CCSER1: variants seen among roughly 807,000 people sequenced by gnomAD.
CCSER1 encodes the protein serine-rich coiled-coil domain-containing protein 1.
Under a neutral mutation model 82.0 loss-of-function variants are expected in CCSER1, and 41 were observed. That is an observed-to-expected ratio of 0.50 (90% CI 0.39 to 0.65). The LOEUF is 0.65. Ranked by LOEUF, CCSER1 falls within the 30% of genes least tolerant of loss-of-function variation. The pLI is 0.00. For missense variants in CCSER1, 1,119 were observed against 1,064.2 expected (o/e 1.05, Z -0.72); for synonymous variants, 414 against 383.9 (o/e 1.08, Z -0.92).
intron 10 of CCSER1, among the ~76,000 whole-genome samples, chr4:91,155,708 T>C (rs1730746501): frequency 6.6e-6 from 1 of 151,976 alleles, no homozygotes; most frequent in African/African-American, 2.4e-5. Flanking sequence ...TCTCCCTTTA[T>C]TCTATTAATC....
intron 10 of CCSER1, among the ~76,000 whole-genome samples, chr4:91,209,805 C>T (rs1180253868): frequency 6.6e-6 from 1 of 151,478 alleles, no homozygotes; most frequent in African/African-American, 2.4e-5. Context: ...CCAATTCAGT[C>T]TAGGGAGGAT....
chr4:90,262,755 T>C (rs1199153119), intron 1 of CCSER1, among the ~76,000 whole-genome samples: 1 of 152,134 alleles, frequency 6.6e-6, no homozygotes, highest in East Asian at 1.9e-4. Flanking sequence ...GTAGGAAATC[T>C]GTCTACCTCC....
chr4:91,390,543 C>T (rs1751583348), intron 10 of CCSER1, among the ~76,000 whole-genome samples: 1 of 151,368 alleles, frequency 6.6e-6, no homozygotes, highest in African/African-American at 2.4e-5. Flanking sequence ...GGGTAAAATG[C>T]TGATCTCATG....
intron 10 of CCSER1, among the ~76,000 whole-genome samples, chr4:91,505,614 A>G (rs533901198): frequency 1.2e-3 from 184 of 152,232 alleles, no homozygotes; most frequent in Non-Finnish European, 1.6e-3. Flanking sequence ...TTGTTGTTTC[A>G]TAACTTTTTA....
Position 90,623,070 on chromosome 4 carries a change from C to G in CCSER1, c.1725-4955C>G, listed in dbSNP as rs1173400436. ...TGAGACGGAGCCTCCCTCTTTCGCC[C>G]AGGCCAGAGTGCAGTGGCGCAATCT... On this transcript the variant is annotated intron_variant, in intron 5 of 10. Coordinates refer to ENST00000509176, the MANE Select transcript of CCSER1 (RefSeq NM_001145065.2). Among the ~76,000 whole-genome samples, 4 of 150,100 alleles carry G rather than the reference C, an allele frequency of 2.7e-5. 1 individual carries two copies. The highest frequency in any genetic ancestry group is 1.5e-5 in the Non-Finnish European group (1 of 67,662).
chr4:90,690,241 G>T (rs1462171518), intron 6 of CCSER1, among the ~76,000 whole-genome samples: 4 of 152,054 alleles, frequency 2.6e-5, no homozygotes, highest in Non-Finnish European at 5.9e-5. Flanking sequence ...CAGAAAGGGG[G>T]TTGGATAACT....
chr4:91,598,656 A>G lies in CCSER1; in HGVS notation c.2302A>G (p.Arg768Gly). The change falls in exon 11 of 11, where the codon AGG (arginine) becomes GGG (glycine). Residue 768 changes from arginine (R) to glycine (G), a missense_variant. Physicochemically the swap from Arg to Gly is moderately radical, Grantham distance 125 (BLOSUM62 -2). Coordinates refer to ENST00000509176, the MANE Select transcript of CCSER1 (RefSeq NM_001145065.2). ...AIHTPTEDRF[R>G]YSAADQTSPY... The stretch of plus-strand genomic sequence containing the variant: ...ACATACTCCCACCGAGGACCGTTTT[A>G]GGTATTCGGCAGCGGACCAGACAAG... 1.9e-6 allele frequency: 3 copies of G among 1,551,604 alleles called. No homozygotes were observed. Among genetic ancestry groups the G allele is most frequent in the Non-Finnish European group, 2.6e-6 (3 of 1,146,934 alleles).
At chr4:91,527,388 A>C (rs968868035) in intron 10 of CCSER1, among the ~76,000 whole-genome samples, 3 of 152,224 alleles carry the variant, frequency 2.0e-5, no homozygotes, top group Admixed American at 2.0e-4. Flanking sequence ...GTCACTGAGC[A>C]TGACCAATAT....
intron 6 of CCSER1, among the ~76,000 whole-genome samples, chr4:90,650,991 C>T (rs1463311209): frequency 6.6e-6 from 1 of 152,076 alleles, no homozygotes; most frequent in Non-Finnish European, 1.5e-5. Context: ...ATACTAAGTG[C>T]CTTTGGGGAA....
At chr4:91,545,001 G>A (rs528011107) in intron 10 of CCSER1, among the ~76,000 whole-genome samples, 3 of 152,028 alleles carry the variant, frequency 2.0e-5, no homozygotes, top group Non-Finnish European at 4.4e-5. Context: ...TCAAGCCTCA[G>A]CAATGGTGGA....
At chr4:90,634,387 A>G (rs1725047293) in intron 6 of CCSER1, among the ~76,000 whole-genome samples, 2 of 151,708 alleles carry the variant, frequency 1.3e-5, no homozygotes, top group Admixed American at 1.3e-4. Context: ...ATTTCATTTT[A>G]CCTAAAAGGA....
chr4:91,390,800 G>A (rs1751600149), intron 10 of CCSER1, among the ~76,000 whole-genome samples: 1 of 151,890 alleles, frequency 6.6e-6, no homozygotes, highest in African/African-American at 2.4e-5. Flanking sequence ...TTTCTTGAGT[G>A]AGTTTTGGCG....
intron 3 of CCSER1, among the ~76,000 whole-genome samples, chr4:90,366,594 A>T (rs1010359469): frequency 6.6e-6 from 1 of 151,808 alleles, no homozygotes; most frequent in Non-Finnish European, 1.5e-5. Context: ...AGGGAAAAAA[A>T]ATCCCACATT....
intron 9 of CCSER1, among the ~76,000 whole-genome samples, chr4:91,063,039 G>GA (rs1342684398): frequency 2.6e-5 from 4 of 151,998 alleles, no homozygotes; most frequent in African/African-American, 9.7e-5. Context: ...TTCATATTAT[G>GA]AAAAATACAC....
intron 9 of CCSER1, among the ~76,000 whole-genome samples, chr4:90,970,975 C>A (rs2150398423): frequency 6.6e-6 from 1 of 151,664 alleles, no homozygotes; most frequent in East Asian, 1.9e-4. Flanking sequence ...AAAAAGGCCT[C>A]AAATAAACCA....
chr4:90,340,490 T>G (rs74705116), intron 3 of CCSER1, among the ~76,000 whole-genome samples: 3,694 of 152,276 alleles, frequency 0.024, 55 homozygotes, highest in South Asian at 0.045. Context: ...TGTGCTAGTT[T>G]AAAACATTTA....
chr4:91,345,364 G>C (rs1747985427), intron 10 of CCSER1, among the ~76,000 whole-genome samples: 1 of 151,980 alleles, frequency 6.6e-6, no homozygotes, highest in Admixed American at 6.6e-5. Context: ...TCCAGCCTGG[G>C]AGACAGAGTG....
chr4:90,230,077 G>A (rs1050292783), intron 1 of CCSER1, among the ~76,000 whole-genome samples: 16 of 152,064 alleles, frequency 1.1e-4, no homozygotes, highest in Non-Finnish European at 1.8e-4. Flanking sequence ...CAGAAAGTTA[G>A]CAAGGATATC....
At position 90,421,876 on chromosome 4, in the gene CCSER1, G is replaced by A. The variant is rs574601943; in HGVS notation, c.1603+21747G>A. Among the ~76,000 whole-genome samples the A allele has an allele frequency of 3.9e-5, 6 of 152,188 alleles. No individual in the cohort carries two copies. The South Asian group carries it at 1.0e-3, about 26-fold the overall frequency. ...ACAGTCAGTGGTGTAAAATGTTTTG[G>A]AATTGTTAGGGTACACCAAAAAGAC... is the stretch of plus-strand genomic sequence containing the variant. On this transcript the variant is annotated intron_variant, in intron 4 of 10. Coordinates refer to ENST00000509176, the MANE Select transcript of CCSER1 (RefSeq NM_001145065.2).
Sources: allele counts gnomAD v4.1 joint callset (sites outside exome capture counted in the v4.1 genomes callset), GRCh38; gene constraint gnomAD v4.1.1; transcripts MANE v1.5; gene names NCBI Gene and HGNC (gene_info 2026-07-23, HGNC 2026-07-21).